Variants in FBXL4 observed in about 807,000 individuals in gnomAD.
FBXL4 encodes the protein F-box/LRR-repeat protein 4.
Under a neutral mutation model 58.9 loss-of-function variants are expected in FBXL4, and 40 were observed. That is an observed-to-expected ratio of 0.68 (90% CI 0.53 to 0.88). The LOEUF (loss-of-function observed/expected upper bound fraction) is 0.88, where lower values mean the gene tolerates loss of function less well. FBXL4 is among the 40% of genes least tolerant of loss of function. The pLI is 0.00. For missense variants in FBXL4, 676 were observed against 734.4 expected (o/e 0.92, Z 0.92); for synonymous variants, 263 against 265.5 (o/e 0.99, Z 0.09).
intron 5 of FBXL4, among the ~76,000 whole-genome samples, chr6:98,908,880 A>C (rs947620464): frequency 6.6e-6 from 1 of 152,162 alleles, no homozygotes; most frequent in African/African-American, 2.4e-5. Flanking sequence ...TAAAATAACT[A>C]AGTTTTTTAA....
chr6:98,913,368 T>G (rs542527157), intron 5 of FBXL4, among the ~76,000 whole-genome samples: 7 of 152,148 alleles, frequency 4.6e-5, no homozygotes, highest in African/African-American at 1.4e-4. Context: ...ATCAAAAGAA[T>G]ATACATTTTT....
chr6:98,911,799 A>T (rs1295255366), intron 5 of FBXL4, among the ~76,000 whole-genome samples: 1 of 152,242 alleles, frequency 6.6e-6, no homozygotes, highest in Non-Finnish European at 1.5e-5. Context: ...GCAGTTCCTC[A>T]CCGGCAATGG....
rs1770492398 is a variant in FBXL4 at position 98,871,614 on chromosome 6, G to C, written c.*2664C>G. ...ATAAAGCCTGTGAAAAGGTAAGAAGGTATTTAAAATCTATGGTTATTTACT... is the reference window on the plus strand; with the variant it reads ...ATAAAGCCTGTGAAAAGGTAAGAAGCTATTTAAAATCTATGGTTATTTACT... On this transcript the variant is annotated 3_prime_UTR_variant, in exon 10 of 10. Transcript: ENST00000369244. The C allele has an allele frequency of 6.6e-6, 1 of 152,210 alleles. No individual in the cohort carries two copies. The highest frequency in any genetic ancestry group is 2.1e-4 in the South Asian group (1 of 4,832). 9.4% of individuals were successfully genotyped at this position (152,210 alleles called of 1,614,324 possible). A position where few individuals can be genotyped will look rare whatever the true frequency, so the allele number is the denominator to read the frequency against.
rs1393642038 is a variant in FBXL4 at position 98,868,555 on chromosome 6, T to C, written c.*5723A>G. 2 of 152,104 alleles carry C rather than the reference T, an allele frequency of 1.3e-5. No homozygotes were observed. The highest frequency in any genetic ancestry group is 2.9e-5 in the Non-Finnish European group (2 of 68,018). The allele number at this position is 152,104 out of a possible 1,614,324, so 9.4% of individuals were successfully genotyped here. On this transcript the variant is annotated 3_prime_UTR_variant, in exon 10 of 10. Coordinates refer to ENST00000369244, the MANE Select transcript of FBXL4 (RefSeq NM_001278716.2). Reference sequence around the variant, plus strand: ...TGAACTAATGAGATACTCAAACTTATTTTATTACTCTAAAGTACAGAATAC... The same window carrying C: ...TGAACTAATGAGATACTCAAACTTACTTTATTACTCTAAAGTACAGAATAC...
chr6:98,918,717 A>T (rs575561558), intron 4 of FBXL4, among the ~76,000 whole-genome samples: 82 of 152,240 alleles, frequency 5.4e-4, no homozygotes, highest in African/African-American at 1.9e-3. Context: ...TTTTGCTAGT[A>T]AAATTTTTTA....
At chr6:98,884,125 CAACA>C (rs1458555137) in intron 7 of FBXL4, among the ~76,000 whole-genome samples, 3 of 151,774 alleles carry the variant, frequency 2.0e-5, no homozygotes, top group Non-Finnish European at 2.9e-5. Context: ...AAAATCTTAA[CAACA>C]AACATTTATT....
chr6:98,875,488 A>G lies in FBXL4; in HGVS notation c.1629T>C (p.Asn543=), dbSNP rs2128375577. Reference sequence around the variant, plus strand: ...CAATGTCTGTGTCACACACAGATCTATTAGCTGTAAGAAAGAGTTTTTGCA... The same window carrying G: ...CAATGTCTGTGTCACACACAGATCTGTTAGCTGTAAGAAAGAGTTTTTGCA... ...PNLQKLFLTA[N]RSVCDTDIDE... The change falls in exon 9 of 10, where the codon AAT becomes AAC. Residue 543 remains asparagine (N), a synonymous_variant. Coordinates refer to ENST00000369244, the MANE Select transcript of FBXL4 (RefSeq NM_001278716.2). 6.2e-7 allele frequency: 1 copy of G among 1,614,110 alleles called. No homozygotes were observed.
chr6:98,917,420 A>C lies in FBXL4; in HGVS notation c.812T>G (p.Leu271Arg). ...ATACCCATTATTTGGCCCTTCCCCGAGGACAGCACTGCTAAACTTTTTGTT... is the reference window on the plus strand; with the variant it reads ...ATACCCATTATTTGGCCCTTCCCCGCGGACAGCACTGCTAAACTTTTTGTT... The part of the protein sequence containing the change: ...SLNKKFSSAV[L>R]GEGPNNGYFD... Residue 271 changes from leucine to arginine, a missense_variant, in exon 5 of 10, where the codon CTC (leucine) becomes CGC (arginine). Coordinates refer to ENST00000369244, the MANE Select transcript of FBXL4 (RefSeq NM_001278716.2). 1 of 1,612,822 alleles carries C rather than the reference A, an allele frequency of 6.2e-7. No individual in the cohort carries two copies.
At chr6:98,925,841 G>T (rs935553081) in intron 4 of FBXL4, among the ~76,000 whole-genome samples, 2 of 152,156 alleles carry the variant, frequency 1.3e-5, no homozygotes, top group African/African-American at 4.8e-5. Flanking sequence ...TGGTTTCTTC[G>T]AGGGAGGAAT....
intron 7 of FBXL4, among the ~76,000 whole-genome samples, chr6:98,890,322 C>G (rs953189433): frequency 1.3e-5 from 2 of 152,082 alleles, no homozygotes; most frequent in Non-Finnish European, 2.9e-5. Flanking sequence ...CAGACAAAGA[C>G]TAGCTAAAAT....
At chr6:98,909,730 CCT>C (rs2128395593) in intron 5 of FBXL4, among the ~76,000 whole-genome samples, 1 of 152,216 alleles carries the variant, frequency 6.6e-6, no homozygotes, top group Non-Finnish European at 1.5e-5. Context: ...ATCTCATGCT[CCT>C]CTCTCTCCCC....
In FBXL4 at chr6:98,917,681, T is replaced by C; in HGVS notation, c.551A>G (p.Asn184Ser). ...ILWSERPTKV[N>S]ASQARQFKPC... ...TTTAAACTGGCGAGCTTGGGAAGCA[T>C]TCACCTTCGTAGGTCTCTCTGACCA... is the stretch of plus-strand genomic sequence containing the variant. Residue 184 changes from asparagine to serine, a missense_variant, in exon 5 of 10, where the codon AAT becomes AGT. Asn to Ser is a conservative substitution (Grantham distance 46). Transcript: ENST00000369244. 1 of 1,612,584 alleles carries C rather than the reference T, an allele frequency of 6.2e-7. No homozygotes were observed. Among genetic ancestry groups the C allele is most frequent in the South Asian group, 1.1e-5 (1 of 90,830 alleles).
intron 5 of FBXL4, among the ~76,000 whole-genome samples, chr6:98,910,195 C>A (rs570608787): frequency 2.2e-4 from 33 of 152,184 alleles, no homozygotes; most frequent in Admixed American, 4.6e-4. Context: ...CTACTCTCAC[C>A]CCTAGGAATA....
At chr6:98,875,252 T>C (rs2128375390) in intron 9 of FBXL4, 163 bp downstream of exon 9, 2 of 671,174 alleles carry the variant, frequency 3.0e-6, no homozygotes. Flanking sequence ...TTATTCCCTA[T>C]ATTAACTGAT....
chr6:98,885,536 T>A (rs1771008370), intron 7 of FBXL4, among the ~76,000 whole-genome samples: 1 of 152,186 alleles, frequency 6.6e-6, no homozygotes. Flanking sequence ...AAAAACAGGC[T>A]GACCCTCCCT....
intron 7 of FBXL4, among the ~76,000 whole-genome samples, chr6:98,895,854 C>T (rs1464412787): frequency 6.6e-6 from 1 of 151,946 alleles, no homozygotes; most frequent in Non-Finnish European, 1.5e-5. Flanking sequence ...TTTATTAATG[C>T]AAATTATGTA....
At chr6:98,927,582 C>T (rs796804526) in intron 3 of FBXL4, 123 bp downstream of exon 3, 13 of 153,294 alleles carry the variant, frequency 8.5e-5, no homozygotes, top group African/African-American at 2.9e-4. Flanking sequence ...ACTACATTAA[C>T]TGCCTTACAC....
At chr6:98,930,887 T>C (rs770190836) in intron 2 of FBXL4, among the ~76,000 whole-genome samples, 3 of 152,172 alleles carry the variant, frequency 2.0e-5, no homozygotes, top group African/African-American at 4.8e-5. Flanking sequence ...TCCAAAGAAG[T>C]TGACTATTCT....
chr6:98,888,329 T>C (rs1054887585), intron 7 of FBXL4, among the ~76,000 whole-genome samples: 17 of 152,248 alleles, frequency 1.1e-4, no homozygotes, highest in African/African-American at 4.1e-4. Flanking sequence ...CCATAGGGCC[T>C]GCAAGGCCTA....
Sources: gnomAD v4.1 joint callset for allele counts (sites outside exome capture counted in the v4.1 genomes callset) on GRCh38, gnomAD v4.1.1 for gene constraint, MANE v1.5 for transcripts, NCBI Gene and HGNC (gene_info 2026-07-23, HGNC 2026-07-21) for gene names.